PCDHGA3: variants seen among roughly 807,000 people sequenced by gnomAD.
PCDHGA3 encodes the protein protocadherin gamma subfamily A, 3.
A neutral mutation model predicts 58.5 loss-of-function variants in PCDHGA3; 40 were observed. The observed-to-expected ratio is 0.68, with a 90% CI of 0.53 to 0.89. The LOEUF (loss-of-function observed/expected upper bound fraction) is 0.89, where lower values mean the gene tolerates loss of function less well. Ranked by LOEUF, PCDHGA3 falls within the 40% of genes least tolerant of loss-of-function variation. The pLI is 0.00. For missense variants in PCDHGA3, 1,223 were observed against 1,195.9 expected (o/e 1.02, Z -0.33); for synonymous variants, 530 against 525.7 (o/e 1.01, Z -0.11).
Position 141,415,739 on chromosome 5 carries a change from GGTTTT to G in PCDHGA3, c.2424+69283_2424+69287del, listed in dbSNP as rs2095909931. ...ATGAGTAGAATTTGATGTTTATTAA[GGTTTT>G]TTTTTTTTTTTTTTTTTTTTTTTTT... On this transcript the variant is annotated intron_variant, in intron 1 of 3. Transcript: ENST00000253812. 124 of 435,052 alleles carry G rather than the reference GGTTTT, an allele frequency of 2.9e-4. No homozygotes were observed. The African/African-American group carries it at 3.6e-3, about 13-fold the overall frequency. 26.9% of individuals were successfully genotyped at this position (435,052 alleles called of 1,614,324 possible).
rs2099687792 is a variant in PCDHGA3, at chr5:141,489,485, G to GT, written c.2425-5321dup. Reference sequence around the variant, plus strand: ...TATTTTTCCCTGAGCTTGATGAGTGGTGCCCTGGCAGTGAATCAAAAGATT... The same window carrying GT: ...TATTTTTCCCTGAGCTTGATGAGTGGTTGCCCTGGCAGTGAATCAAAAGATT... On this transcript the variant is annotated intron_variant, in intron 1 of 3. Coordinates refer to ENST00000253812, the MANE Select transcript of PCDHGA3 (RefSeq NM_018916.4). This position sits in a 1 kb window ranked among gnomAD's most constrained non-coding sequence, Gnocchi z 4.5. The GT allele has an allele frequency of 6.2e-7, 1 of 1,614,088 alleles. No individual in the cohort carries two copies. The highest frequency in any genetic ancestry group is 2.2e-5 in the East Asian group (1 of 44,868).
chr5:141,344,162 C>T lies in PCDHGA3; in HGVS notation c.129C>T (p.Ser43=), dbSNP rs757892245. The change falls in exon 1 of 4, where the codon TCC becomes TCT. Residue 43 remains serine, a synonymous_variant. Transcript: ENST00000253812. ...YSVSEELDKG[S]FVGNIANDLG... ...TGTCTGAGGAGCTAGATAAAGGTTC[C>T]TTCGTGGGCAACATCGCTAACGACC... is the stretch of plus-strand genomic sequence containing the variant. The T allele has an allele frequency of 6.2e-7, 1 of 1,614,036 alleles. No homozygotes were observed. Among genetic ancestry groups the T allele is most frequent in the Non-Finnish European group, 8.5e-7 (1 of 1,179,906 alleles).
Position 141,359,555 on chromosome 5 carries a change from C to G in PCDHGA3, c.2424+13098C>G, listed in dbSNP as rs1761251124. 2.0e-5 allele frequency among the ~76,000 whole-genome samples: 3 copies of G among 151,148 alleles called. No individual in the cohort carries two copies. The South Asian group carries it at 6.3e-4, about 32-fold the overall frequency. ...TATAAGAAATAAATAGGAAAGCTCT[C>G]TATGTACTGATATGATCTTTAAGAT... On this transcript the variant is annotated intron_variant, in intron 1 of 3. Coordinates refer to ENST00000253812, the MANE Select transcript of PCDHGA3 (RefSeq NM_018916.4).
Position 141,431,072 on chromosome 5 carries a change from A to G in PCDHGA3, c.2425-63735A>G. On this transcript the variant is annotated intron_variant, in intron 1 of 3. Transcript: ENST00000253812. The surrounding 1 kb of genome is among the most constrained non-coding windows in gnomAD (Gnocchi z 4.8). ...TATGGGGGCCATCAAGTGTCAATTA[A>G]ATCTAGACATTCTGATGGAGGATAA... is the stretch of plus-strand genomic sequence containing the variant. 1 of 1,614,220 alleles carries G rather than the reference A, an allele frequency of 6.2e-7. No individual in the cohort carries two copies. Among genetic ancestry groups the G allele is most frequent in the Non-Finnish European group, 8.5e-7 (1 of 1,180,012 alleles).
chr5:141,404,298 C>A, intron 1 of PCDHGA3: 3 of 1,613,868 alleles, frequency 1.9e-6, no homozygotes, highest in Non-Finnish European at 2.5e-6. Flanking sequence ...AATGATAATC[C>A]ACCTGCTTTC....
chr5:141,460,936 A>G (rs189741735), intron 1 of PCDHGA3, among the ~76,000 whole-genome samples: 31 of 149,318 alleles, frequency 2.1e-4, no homozygotes, highest in Non-Finnish European at 3.8e-4. Flanking sequence ...GTGTGTGTGT[A>G]TATATATGTA....
intron 1 of PCDHGA3, chr5:141,414,885 C>T: frequency 6.2e-7 from 1 of 1,614,224 alleles, no homozygotes; most frequent in South Asian, 1.1e-5. Context: ...TGTACCCCGC[C>T]CTCCCCACAG....
chr5:141,418,087 C>T (rs2096220274), intron 1 of PCDHGA3: 9 of 1,613,894 alleles, frequency 5.6e-6, no homozygotes, highest in Non-Finnish European at 7.6e-6. Flanking sequence ...TGCACTTCAG[C>T]GTAGACGCGC....
chr5:141,375,953 G>A (rs752339386), intron 1 of PCDHGA3: 1 of 1,613,498 alleles, frequency 6.2e-7, no homozygotes, highest in African/African-American at 1.3e-5. Context: ...CCTGCACACG[G>A]GCGAGGTGCG....
intron 3 of PCDHGA3, among the ~76,000 whole-genome samples, chr5:141,510,504 G>A (rs371169260): frequency 1.3e-5 from 2 of 152,154 alleles, no homozygotes; most frequent in African/African-American, 4.8e-5. Flanking sequence ...AAGGAACTGA[G>A]AGCCCGTGTC....
rs1439461935 is a variant in PCDHGA3 at position 141,511,976 on chromosome 5, G to A, written c.*803G>A. ...ATAAGGAAGGGAAGTGTGTGGATGT[G>A]GATGGTGGGGGCATGGACAAAGCTT... is the stretch of plus-strand genomic sequence containing the variant. On this transcript the variant is annotated 3_prime_UTR_variant, in exon 4 of 4. Coordinates refer to ENST00000253812, the MANE Select transcript of PCDHGA3 (RefSeq NM_018916.4). 6.5e-6 allele frequency: 1 copy of A among 153,384 alleles called. No homozygotes were observed. Among genetic ancestry groups the A allele is most frequent in the Non-Finnish European group, 1.5e-5 (1 of 68,664 alleles). 9.5% of individuals were successfully genotyped at this position (153,384 alleles called of 1,614,324 possible).
At chr5:141,410,508 G>C in intron 1 of PCDHGA3, 2 of 1,613,968 alleles carry the variant, frequency 1.2e-6, no homozygotes, top group Non-Finnish European at 8.5e-7. Flanking sequence ...TTCCTAAAAT[G>C]CAGTGTGCCC....
In PCDHGA3 at chr5:141,486,487, C is replaced by T; in HGVS notation, c.2425-8320C>T. ...CTGGGAACCCTCCTCTCAGTACCCA[C>T]AGAACTATTTTCCTCAATATTTCAG... On this transcript the variant is annotated intron_variant, in intron 1 of 3. Coordinates refer to ENST00000253812, the MANE Select transcript of PCDHGA3 (RefSeq NM_018916.4). This position sits in a 1 kb window ranked among gnomAD's most constrained non-coding sequence, Gnocchi z 5.0. 1 of 1,614,086 alleles carries T rather than the reference C, an allele frequency of 6.2e-7. No individual in the cohort carries two copies. Among genetic ancestry groups the T allele is most frequent in the Non-Finnish European group, 8.5e-7 (1 of 1,179,918 alleles).
At chr5:141,510,450 T>G (rs1273211856) in intron 3 of PCDHGA3, among the ~76,000 whole-genome samples, 1 of 151,946 alleles carries the variant, frequency 6.6e-6, no homozygotes, top group Non-Finnish European at 1.5e-5. Flanking sequence ...CAGGAGCCCA[T>G]GGTCTAGTGT....
intron 1 of PCDHGA3, chr5:141,374,540 C>G: frequency 6.2e-7 from 1 of 1,613,264 alleles, no homozygotes; most frequent in Non-Finnish European, 8.5e-7. Context: ...CTCTCGTTTT[C>G]CACTAATGGA....
chr5:141,400,743 C>G (rs1404866842), intron 1 of PCDHGA3: 1 of 611,332 alleles, frequency 1.6e-6, no homozygotes, highest in Non-Finnish European at 2.8e-6. Flanking sequence ...AGAGTTTGCT[C>G]TTAGCTTCCT....
At chr5:141,502,484 G>A (rs962659219) in intron 2 of PCDHGA3, among the ~76,000 whole-genome samples, 1 of 152,000 alleles carries the variant, frequency 6.6e-6, no homozygotes. Context: ...CATCACACTG[G>A]GACTCATCTA....
intron 1 of PCDHGA3, chr5:141,423,760 G>GGT: frequency 7.2e-6 from 2 of 279,662 alleles, no homozygotes; most frequent in Non-Finnish European, 1.1e-5. Context: ...TGGGGGGGGG[G>GGT]TGGGGCGGCA....
At chr5:141,421,979 G>A in intron 1 of PCDHGA3, 1 of 1,609,702 alleles carries the variant, frequency 6.2e-7, no homozygotes, top group Non-Finnish European at 8.5e-7. Context: ...TATCGCGTGA[G>A]TGTTCCAGAA....
Sources: allele counts gnomAD v4.1 joint callset (sites outside exome capture counted in the v4.1 genomes callset), GRCh38; gene constraint gnomAD v4.1.1; non-coding constraint Gnocchi (gnomAD v3.1); transcripts MANE v1.5; gene names NCBI Gene and HGNC (gene_info 2026-07-23, HGNC 2026-07-21).